Variants in DPP10 observed in about 807,000 individuals in gnomAD.
DPP10 encodes inactive dipeptidyl peptidase 10.
DPP10 carries 33 observed loss-of-function variants against 120.9 expected under a neutral mutation model. The ratio of observed to expected loss-of-function variants is 0.27; its 90% CI spans 0.21 to 0.37. The LOEUF (loss-of-function observed/expected upper bound fraction) is 0.37. Ranked by LOEUF, DPP10 falls within the 10% of genes least tolerant of loss-of-function variation. The pLI is 1.00. For synonymous variants in DPP10, 337 were observed against 326.1 expected, an observed-to-expected ratio of 1.03 and a Z score of -0.36; for missense variants, 816 against 942.8, an observed-to-expected ratio of 0.87 and a Z score of 1.76.
At chr2:115,428,212 C>T (rs765887230) in intron 3 of DPP10, among the ~76,000 whole-genome samples, 3 of 152,210 alleles carry the variant, frequency 2.0e-5, no homozygotes, top group Non-Finnish European at 4.4e-5. Flanking sequence ...AACTTTCCCT[C>T]ATCTTCCTGT....
At chr2:115,037,319 C>T (rs1704292546) in intron 1 of DPP10, among the ~76,000 whole-genome samples, 1 of 152,172 alleles carries the variant, frequency 6.6e-6, no homozygotes. Context: ...TCTTCGTAGA[C>T]TTACAGATAT....
chr2:114,960,265 T>C (rs150773100), intron 1 of DPP10, among the ~76,000 whole-genome samples: 10 of 152,158 alleles, frequency 6.6e-5, no homozygotes, highest in Admixed American at 5.2e-4. Context: ...GAGATGTTAC[T>C]ATGGCTCTCA....
chr2:115,288,142 G>C (rs2060480249), intron 1 of DPP10, among the ~76,000 whole-genome samples: 1 of 151,966 alleles, frequency 6.6e-6, no homozygotes, highest in Non-Finnish European at 1.5e-5. Flanking sequence ...ACCAGCAGTA[G>C]GTAAGTGTTC....
intron 1 of DPP10, among the ~76,000 whole-genome samples, chr2:114,743,628 C>T (rs1373132649): frequency 3.9e-5 from 6 of 152,106 alleles, no homozygotes; most frequent in African/African-American, 9.7e-5. Flanking sequence ...TGAGTGTCAA[C>T]GCTGCAGCCC....
intron 3 of DPP10, among the ~76,000 whole-genome samples, chr2:115,441,441 A>G (rs1202921973): frequency 1.3e-5 from 2 of 152,196 alleles, no homozygotes; most frequent in African/African-American, 2.4e-5. Context: ...TATGTGACCT[A>G]GAATCATCTG....
At chr2:114,705,620 GA>G (rs1389396421) in intron 1 of DPP10, among the ~76,000 whole-genome samples, 3 of 151,704 alleles carry the variant, frequency 2.0e-5, no homozygotes, top group African/African-American at 7.3e-5. Context: ...AAATTGGTTG[GA>G]AAAAAACTAG....
intron 1 of DPP10, among the ~76,000 whole-genome samples, chr2:114,788,840 C>T (rs1279679581): frequency 6.6e-6 from 1 of 152,080 alleles, no homozygotes. Context: ...CCACACCTGT[C>T]CCTTCAATCT....
intron 1 of DPP10, among the ~76,000 whole-genome samples, chr2:114,633,737 C>T (rs1163630878): frequency 6.6e-6 from 1 of 151,702 alleles, no homozygotes; most frequent in Non-Finnish European, 1.5e-5. Flanking sequence ...CCTCAGCCTC[C>T]CGATTAGCTG....
intron 8 of DPP10, among the ~76,000 whole-genome samples, chr2:115,732,469 G>A (rs1003128324): frequency 2.0e-5 from 3 of 150,396 alleles, no homozygotes; most frequent in East Asian, 2.0e-4. Context: ...TTTAAACAGC[G>A]AAGTCAGAAA....
At chr2:114,967,665 C>T (rs369309388) in intron 1 of DPP10, among the ~76,000 whole-genome samples, 4 of 152,100 alleles carry the variant, frequency 2.6e-5, no homozygotes, top group Non-Finnish European at 5.9e-5. Context: ...GTTTATAAAT[C>T]CCAGGGAGGT....
intron 1 of DPP10, among the ~76,000 whole-genome samples, chr2:115,285,819 A>G (rs1414142987): frequency 6.6e-6 from 1 of 152,046 alleles, no homozygotes; most frequent in Non-Finnish European, 1.5e-5. Flanking sequence ...CTTTTGCCCT[A>G]TAGTCACATT....
At chr2:115,632,929 C>G (rs537814174) in intron 5 of DPP10, among the ~76,000 whole-genome samples, 10 of 152,208 alleles carry the variant, frequency 6.6e-5, no homozygotes, top group Non-Finnish European at 1.2e-4. Context: ...AGTCAGGAAA[C>G]AACAGGTGCT....
intron 10 of DPP10, among the ~76,000 whole-genome samples, chr2:115,747,576 A>C (rs899683268): frequency 6.8e-5 from 10 of 148,004 alleles, no homozygotes; most frequent in Non-Finnish European, 1.2e-4. Context: ...TACCTCTCTC[A>C]GGGCTGAATC....
chr2:114,598,352 T>C (rs554253627), intron 1 of DPP10, among the ~76,000 whole-genome samples: 1 of 151,854 alleles, frequency 6.6e-6, no homozygotes, highest in African/African-American at 2.4e-5. Flanking sequence ...GAATGAATAA[T>C]TTTTTAGGTT....
chr2:115,398,178 T>A (rs910674610), intron 3 of DPP10, among the ~76,000 whole-genome samples: 1 of 152,096 alleles, frequency 6.6e-6, no homozygotes, highest in Non-Finnish European at 1.5e-5. Context: ...ATATGACTTT[T>A]TTTTTTTTCC....
intron 5 of DPP10, among the ~76,000 whole-genome samples, chr2:115,563,413 A>G (rs1294779805): frequency 6.6e-6 from 1 of 152,166 alleles, no homozygotes; most frequent in East Asian, 1.9e-4. Flanking sequence ...TGATCCGAAA[A>G]GAGCAAAAGC....
At chr2:115,490,845 G>A (rs376871651) in intron 3 of DPP10, among the ~76,000 whole-genome samples, 20 of 152,324 alleles carry the variant, frequency 1.3e-4, no homozygotes, top group African/African-American at 2.6e-4. Context: ...AGGGCTGTGC[G>A]TGGTGGCTCA....
At chr2:115,197,453 G>A (rs1364862888) in intron 1 of DPP10, among the ~76,000 whole-genome samples, 1 of 151,910 alleles carries the variant, frequency 6.6e-6, no homozygotes, top group African/African-American at 2.4e-5. Flanking sequence ...TTGGGAATAT[G>A]GACTCATAAA....
At chr2:115,080,458 A>G (rs531561157) in intron 1 of DPP10, among the ~76,000 whole-genome samples, 2 of 152,314 alleles carry the variant, frequency 1.3e-5, no homozygotes, top group African/African-American at 4.8e-5. Flanking sequence ...GAGGTCTGCA[A>G]ATTATGGCCC....
Sources: gnomAD v4.1 joint callset for allele counts (sites outside exome capture counted in the v4.1 genomes callset) on GRCh38, gnomAD v4.1.1 for gene constraint, MANE v1.5 for transcripts, NCBI Gene and HGNC (gene_info 2026-07-23, HGNC 2026-07-21) for gene names.